Variants in GRIK2 observed in about 807,000 individuals in gnomAD.
GRIK2 encodes glutamate ionotropic receptor kainate type subunit 2.
GRIK2 carries 32 observed loss-of-function variants against 100.3 expected under a neutral mutation model. The ratio of observed to expected loss-of-function variants is 0.32; its 90% confidence interval spans 0.24 to 0.43. The LOEUF is 0.43. Among genes scored for constraint, GRIK2 ranks in the 20% least tolerant of loss-of-function variants. GRIK2 has a pLI of 1.00. For missense variants in GRIK2, 843 were observed against 1,114.9 expected (o/e 0.76, Z 3.47); for synonymous variants, 417 against 389.4 (o/e 1.07, Z -0.83).
intron 7 of GRIK2, among the ~76,000 whole-genome samples, chr6:101,717,292 ACTGC>A (rs1210021542): frequency 6.6e-6 from 1 of 151,704 alleles, no homozygotes; most frequent in African/African-American, 2.4e-5. Flanking sequence ...GAGAAAGTAA[ACTGC>A]CTTTCATCTT....
At chr6:101,984,211 C>A (rs1793883737) in intron 14 of GRIK2, among the ~76,000 whole-genome samples, 1 of 151,474 alleles carries the variant, frequency 6.6e-6, no homozygotes, top group Non-Finnish European at 1.5e-5. Context: ...TGGGAAAAGA[C>A]CAGCACTTTG....
chr6:101,851,972 A>AT (rs1562439166), intron 10 of GRIK2, among the ~76,000 whole-genome samples: 5 of 151,466 alleles, frequency 3.3e-5, no homozygotes, highest in African/African-American at 1.2e-4. Flanking sequence ...AAAAAAAAAA[A>AT]AAATCTTAAC....
intron 14 of GRIK2, among the ~76,000 whole-genome samples, chr6:101,942,196 A>G (rs1464112100): frequency 6.6e-6 from 1 of 152,300 alleles, no homozygotes; most frequent in African/African-American, 2.4e-5. Context: ...CTCATGTCAA[A>G]TTGTAATCCC....
chr6:101,988,979 A>C (rs530912655), intron 14 of GRIK2, among the ~76,000 whole-genome samples: 146 of 152,046 alleles, frequency 9.6e-4, no homozygotes, highest in Non-Finnish European at 7.5e-4. Context: ...ACTCACTAGC[A>C]CTAGTAATTA....
At chr6:101,450,062 C>G (rs1017012203) in intron 2 of GRIK2, among the ~76,000 whole-genome samples, 5 of 151,564 alleles carry the variant, frequency 3.3e-5, no homozygotes, top group Non-Finnish European at 5.9e-5. Flanking sequence ...TACTTGACTC[C>G]AAAATATTAC....
At chr6:102,052,650 T>C (rs1214705915) in intron 15 of GRIK2, among the ~76,000 whole-genome samples, 9 of 152,220 alleles carry the variant, frequency 5.9e-5, no homozygotes, top group Non-Finnish European at 4.4e-5. Flanking sequence ...GCAATAATAT[T>C]ATATTCTTTC....
At chr6:101,430,260 G>C (rs1769302796) in intron 2 of GRIK2, among the ~76,000 whole-genome samples, 1 of 152,202 alleles carries the variant, frequency 6.6e-6, no homozygotes, top group Non-Finnish European at 1.5e-5. Context: ...GTCAAAATCA[G>C]CAGCAAGTTT....
At chr6:101,794,181 G>T (rs765338749) in intron 7 of GRIK2, among the ~76,000 whole-genome samples, 1 of 152,188 alleles carries the variant, frequency 6.6e-6, no homozygotes, top group Admixed American at 6.5e-5. Flanking sequence ...GCAATGCCTC[G>T]CCCTGCTTCG....
chr6:101,874,257 G>A lies in GRIK2; in HGVS notation c.1524+14764G>A, dbSNP rs1221925552. 1.1e-4 allele frequency among the ~76,000 whole-genome samples: 16 copies of A among 151,710 alleles called. No homozygotes were observed. In the East Asian group the frequency reaches 2.3e-3, roughly 22 times the overall value. On this transcript the variant is annotated intron_variant, in intron 11 of 16. Coordinates refer to ENST00000369134, the MANE Select transcript of GRIK2 (RefSeq NM_021956.5). ...CTAACATTTAAGTCTTTAATCCATC[G>A]TGAATTAATTTTTGTATAAGGTGTA...
intron 14 of GRIK2, among the ~76,000 whole-genome samples, chr6:101,983,002 T>C (rs1793809526): frequency 6.6e-6 from 1 of 151,868 alleles, no homozygotes; most frequent in Non-Finnish European, 1.5e-5. Flanking sequence ...AAAGATGGAA[T>C]CCATATATTC....
chr6:101,984,646 CACACACACA>C (rs1793914236), intron 14 of GRIK2, among the ~76,000 whole-genome samples: 5 of 150,720 alleles, frequency 3.3e-5, no homozygotes, highest in Non-Finnish European at 5.9e-5. Flanking sequence ...CACACACACA[CACACACACA>C]CCCTTCAACT....
At chr6:102,064,304 TCTCCTTCTCCTC>T (rs1771897491) in intron 16 of GRIK2, among the ~76,000 whole-genome samples, 1 of 149,226 alleles carries the variant, frequency 6.7e-6, no homozygotes, top group African/African-American at 2.5e-5. Flanking sequence ...CTCCTTCTCC[TCTCCTTCTCCTC>T]CTCCTTCCTT....
At chr6:101,996,778 C>T (rs1794673292) in intron 14 of GRIK2, among the ~76,000 whole-genome samples, 1 of 152,164 alleles carries the variant, frequency 6.6e-6, no homozygotes, top group South Asian at 2.1e-4. Context: ...CACTTACTCA[C>T]CAAGGCTTGG....
intron 2 of GRIK2, among the ~76,000 whole-genome samples, chr6:101,416,487 C>T (rs1338559467): frequency 6.6e-6 from 1 of 152,104 alleles, no homozygotes; most frequent in South Asian, 2.1e-4. Flanking sequence ...TAAGCAAATT[C>T]CAGGTGTCTC....
chr6:101,444,841 C>T (rs973937328), intron 2 of GRIK2, among the ~76,000 whole-genome samples: 1 of 151,994 alleles, frequency 6.6e-6, no homozygotes, highest in African/African-American at 2.4e-5. Flanking sequence ...TCAGCATATA[C>T]CTCTGTTTTC....
At chr6:101,707,691 T>C (rs1433176144) in intron 7 of GRIK2, among the ~76,000 whole-genome samples, 1 of 149,128 alleles carries the variant, frequency 6.7e-6, no homozygotes, top group Non-Finnish European at 1.5e-5. Context: ...GACAAGGCAC[T>C]CATACTCAGT....
At chr6:101,963,343 G>A (rs1162797094) in intron 14 of GRIK2, among the ~76,000 whole-genome samples, 3 of 112,304 alleles carry the variant, frequency 2.7e-5, no homozygotes, top group Admixed American at 1.2e-4. Context: ...TGTCGCCCAG[G>A]CTGGAGTGCA....
At chr6:102,035,618 A>C in intron 15 of GRIK2, 52 bp downstream of exon 15, 1 of 1,076,592 alleles carries the variant, frequency 9.3e-7, no homozygotes, top group Non-Finnish European at 1.4e-6. Context: ...GAGTTGCTGT[A>C]AGACAGGGGA....
rs1203193231 is a variant in GRIK2 at position 101,399,129 on chromosome 6, T to G, written c.-149T>G. On this transcript the variant is annotated 5_prime_UTR_variant, in exon 2 of 17. Transcript: ENST00000369134. ...GAACATGCAGCGATTGCTAATGGGT[T>G]TGGGAAGCGGAGACTCCTTCCTCTC... 1.7e-6 allele frequency: 1 copy of G among 591,508 alleles called. No homozygotes were observed. Among genetic ancestry groups the G allele is most frequent in the African/African-American group, 1.9e-5 (1 of 53,586 alleles). The allele number at this position is 591,508 out of a possible 1,614,324, so 36.6% of individuals were successfully genotyped here.
Sources: gnomAD v4.1 joint callset for allele counts (sites outside exome capture counted in the v4.1 genomes callset) on GRCh38, gnomAD v4.1.1 for gene constraint, MANE v1.5 for transcripts, NCBI Gene and HGNC (gene_info 2026-07-23, HGNC 2026-07-21) for gene names.